The following MGLL variants were observed in gnomAD, a reference collection of about 807,000 sequenced individuals.
MGLL encodes the protein lysophospholipase homolog.
Under a neutral mutation model 29.1 loss-of-function variants are expected in MGLL, and 7 were observed. The observed-to-expected ratio is 0.24, with a 90% confidence interval of 0.14 to 0.45. The LOEUF is 0.45. Among genes scored for constraint, MGLL ranks in the 20% least tolerant of loss-of-function variants. The pLI, the probability that MGLL is intolerant of heterozygous loss-of-function variation, is 0.99. For missense variants in MGLL, 356 were observed against 413.6 expected (o/e 0.86, Z 1.21); for synonymous variants, 148 against 168.3 (o/e 0.88, Z 0.93).
rs60128956 is a variant in MGLL at position 127,701,215 on chromosome 3, C to CAAAAAAA, written c.601-6032_601-6026dup. 2.3e-3 allele frequency among the ~76,000 whole-genome samples: 128 copies of CAAAAAAA among 56,424 alleles called. 11 individuals carry two copies. Among genetic ancestry groups the CAAAAAAA allele is most frequent in the Middle Eastern group, 0.015 (1 of 68 alleles). The allele number at this position is 56,424 out of a possible 152,430, so 37.0% of individuals were successfully genotyped here. A position where few individuals can be genotyped will look rare whatever the true frequency, so the allele number is the denominator to read the frequency against. Reference sequence around the variant, plus strand: ...GGGCAAGAGAGCGAGACCCTGCCTCCAAAAAAAAAAAAAAAAAAGCCACCA... The same window carrying CAAAAAAA: ...GGGCAAGAGAGCGAGACCCTGCCTCCAAAAAAAAAAAAAAAAAAAAAAAAAGCCACCA... On this transcript the variant is annotated intron_variant, in intron 6 of 7. Coordinates refer to ENST00000265052, the MANE Select transcript of MGLL (RefSeq NM_007283.7).
chr3:127,814,741 C>A (rs889571333), intron 2 of MGLL, among the ~76,000 whole-genome samples: 1 of 152,164 alleles, frequency 6.6e-6, no homozygotes, highest in South Asian at 2.1e-4. Flanking sequence ...TAGCAGCTGG[C>A]CTTGCCTCTT....
intron 2 of MGLL, among the ~76,000 whole-genome samples, chr3:127,804,016 T>C (rs1035195733): frequency 1.3e-5 from 2 of 152,234 alleles, no homozygotes; most frequent in Non-Finnish European, 2.9e-5. Context: ...TGGTTTCTAC[T>C]TCTTGTGTTA....
At chr3:127,709,101 T>C (rs1189978469) in intron 6 of MGLL, among the ~76,000 whole-genome samples, 1 of 152,232 alleles carries the variant, frequency 6.6e-6, no homozygotes, top group Non-Finnish European at 1.5e-5. Context: ...TCAAACAGTG[T>C]ATATTTGGCT....
At chr3:127,700,666 G>C (rs1018828069) in intron 6 of MGLL, among the ~76,000 whole-genome samples, 1 of 152,190 alleles carries the variant, frequency 6.6e-6, no homozygotes, top group Non-Finnish European at 1.5e-5. Flanking sequence ...AGCACCTTTG[G>C]GTACTGAGAG....
intron 6 of MGLL, 55 bp downstream of exon 6, chr3:127,710,521 T>C (rs995537810): frequency 1.3e-5 from 18 of 1,422,682 alleles, no homozygotes; most frequent in Non-Finnish European, 1.7e-5. Context: ...AAAACTCTGA[T>C]TCCCCATGGG....
At position 127,817,101 on chromosome 3, in the gene MGLL, C is replaced by T. The variant is rs193169009; in HGVS notation, c.155+4593G>A. On this transcript the variant is annotated intron_variant, in intron 2 of 7. Coordinates refer to ENST00000265052, the MANE Select transcript of MGLL (RefSeq NM_007283.7). Reference sequence around the variant, plus strand: ...ACAAAGTTCCTGGAGAGAAAAGCCACGTGACCGAGGTCTGAGGCAAGAAAG... The same window carrying T: ...ACAAAGTTCCTGGAGAGAAAAGCCATGTGACCGAGGTCTGAGGCAAGAAAG... 6.6e-5 allele frequency among the ~76,000 whole-genome samples: 10 copies of T among 152,312 alleles called. No individual in the cohort carries two copies. In the East Asian group the frequency reaches 1.7e-3, roughly 26 times the overall value.
At chr3:127,717,555 T>C (rs1282917274) in intron 5 of MGLL, among the ~76,000 whole-genome samples, 1 of 152,126 alleles carries the variant, frequency 6.6e-6, no homozygotes, top group African/African-American at 2.4e-5. Flanking sequence ...CTGGGCGAGG[T>C]GCCCTTCTTG....
rs1426947660 is a variant in MGLL at position 127,737,999 on chromosome 3, A to G, written c.263-15433T>C. The stretch of plus-strand genomic sequence containing the variant: ...ATGGTAATATTATCTAAGTAAGAAT[A>G]ACGTAAGAAGTGCTCGTGTGGCTAG... On this transcript the variant is annotated intron_variant, in intron 3 of 7. Coordinates refer to ENST00000265052, the MANE Select transcript of MGLL (RefSeq NM_007283.7). Among the ~76,000 whole-genome samples the G allele has an allele frequency of 3.3e-5, 5 of 152,252 alleles. No homozygotes were observed. The East Asian group carries it at 9.7e-4, about 29-fold the overall frequency.
intron 3 of MGLL, among the ~76,000 whole-genome samples, chr3:127,726,308 G>C (rs933407049): frequency 9.5e-5 from 13 of 136,844 alleles, no homozygotes; most frequent in Non-Finnish European, 1.9e-4. Flanking sequence ...GGGAGGGAGG[G>C]AGAGAAAGAA....
chr3:127,721,614 C>G (rs2075926924), intron 4 of MGLL, among the ~76,000 whole-genome samples: 1 of 145,372 alleles, frequency 6.9e-6, no homozygotes, highest in Non-Finnish European at 1.5e-5. Flanking sequence ...ATTTAAATTC[C>G]AAGAAAAATG....
intron 6 of MGLL, among the ~76,000 whole-genome samples, chr3:127,708,194 C>T (rs56832253): frequency 0.054 from 8,164 of 152,298 alleles, 242 homozygotes; most frequent in East Asian, 0.12. Flanking sequence ...TTCCCCTCAG[C>T]GTTGCTATTT....
intron 2 of MGLL, among the ~76,000 whole-genome samples, chr3:127,792,302 A>G (rs1398002740): frequency 6.6e-6 from 1 of 152,214 alleles, no homozygotes; most frequent in Non-Finnish European, 1.5e-5. Flanking sequence ...CAGGGGTTCG[A>G]GAAAGGCTGG....
chr3:127,743,016 T>C (rs2076373214), intron 3 of MGLL, among the ~76,000 whole-genome samples: 1 of 152,236 alleles, frequency 6.6e-6, no homozygotes, highest in Non-Finnish European at 1.5e-5. Context: ...GGTTTTGCCA[T>C]GTTGGCCGAG....
At chr3:127,728,579 G>C (rs1275292212) in intron 3 of MGLL, among the ~76,000 whole-genome samples, 2 of 152,170 alleles carry the variant, frequency 1.3e-5, no homozygotes, top group Admixed American at 1.3e-4. Context: ...CTGTTGCGTA[G>C]TACGCCCTGT....
At chr3:127,763,544 G>A (rs1046322199) in intron 3 of MGLL, among the ~76,000 whole-genome samples, 1 of 152,216 alleles carries the variant, frequency 6.6e-6, no homozygotes, top group Non-Finnish European at 1.5e-5. Flanking sequence ...AGCAGCCACG[G>A]CCATCTGGAT....
intron 3 of MGLL, among the ~76,000 whole-genome samples, chr3:127,757,769 T>C (rs1175421926): frequency 6.6e-6 from 1 of 152,036 alleles, no homozygotes; most frequent in Non-Finnish European, 1.5e-5. Context: ...CCTGGGTAGA[T>C]CCGAATCCAA....
intron 2 of MGLL, among the ~76,000 whole-genome samples, chr3:127,786,233 A>T (rs1278980245): frequency 6.6e-6 from 1 of 152,226 alleles, no homozygotes; most frequent in Non-Finnish European, 1.5e-5. Context: ...GGGAGACAAG[A>T]GACCACGTTC....
intron 3 of MGLL, among the ~76,000 whole-genome samples, chr3:127,780,834 A>G (rs936708320): frequency 5.9e-5 from 9 of 152,236 alleles, no homozygotes; most frequent in Non-Finnish European, 1.3e-4. Flanking sequence ...ACATTTCTGG[A>G]TCTGGGCCAC....
In MGLL at chr3:127,695,100, C is replaced by T. The variant is rs2075332295; in HGVS notation, c.691G>A (p.Glu231Lys). ...ACAGTCAGCTTGGGGAGGGCGCGCT[C>T]CACCCGTGAGACGGCATTCAGCAGT... is the stretch of plus-strand genomic sequence containing the variant. ...IQLLNAVSRV[E>K]RALPKLTVPF... Residue 231 changes from glutamate to lysine, a missense_variant, in exon 7 of 8, where the codon GAG becomes AAG. Glu to Lys is a moderately conservative substitution (Grantham distance 56). Coordinates refer to ENST00000265052, the MANE Select transcript of MGLL (RefSeq NM_007283.7). 1 of 1,614,042 alleles carries T rather than the reference C, an allele frequency of 6.2e-7. No individual in the cohort carries two copies. The highest frequency in any genetic ancestry group is 2.2e-5 in the East Asian group (1 of 44,888).
Sources: gnomAD v4.1 joint callset for allele counts (sites outside exome capture counted in the v4.1 genomes callset) on GRCh38, gnomAD v4.1.1 for gene constraint, MANE v1.5 for transcripts, NCBI Gene and HGNC (gene_info 2026-07-23, HGNC 2026-07-21) for gene names.